The following LDLRAD4 variants were observed in gnomAD, a reference collection of about 807,000 sequenced individuals.
LDLRAD4 encodes the protein low-density lipoprotein receptor class A domain-containing protein 4.
In LDLRAD4, 5 loss-of-function variants were observed where a neutral mutation model predicts 17.0. The observed-to-expected ratio is 0.29, with a 90% confidence interval of 0.15 to 0.62. The LOEUF is 0.62. Ranked by LOEUF, LDLRAD4 falls within the 20% of genes least tolerant of loss-of-function variation. LDLRAD4 has a pLI of 0.84. For missense variants in LDLRAD4, 340 were observed against 424.7 expected, an observed-to-expected ratio of 0.80 and a Z score of 1.75; for synonymous variants, 168 against 171.8, an observed-to-expected ratio of 0.98 and a Z score of 0.17.
intron 1 of LDLRAD4, among the ~76,000 whole-genome samples, chr18:13,382,246 C>G (rs954946056): frequency 6.6e-6 from 1 of 152,210 alleles, no homozygotes; most frequent in Admixed American, 6.5e-5. Context: ...CTGTGTGACC[C>G]TCACATTTCC....
chr18:13,643,053 A>C (rs2042737987), intron 4 of LDLRAD4, among the ~76,000 whole-genome samples: 1 of 150,428 alleles, frequency 6.6e-6, no homozygotes, highest in Admixed American at 6.6e-5. Flanking sequence ...CTCCTGCCTC[A>C]CCCTCCCGAG....
At chr18:13,278,236 C>A (rs2045014522) in intron 1 of LDLRAD4, 48 bp downstream of exon 2, 1 of 152,334 alleles carries the variant, frequency 6.6e-6, no homozygotes, top group Non-Finnish European at 1.5e-5. Flanking sequence ...GTCTGGGAAG[C>A]AGAGCTTGTC....
rs141322393 is a variant in LDLRAD4, at chr18:13,349,629, A to G, written c.-382-37712A>G. On this transcript the variant is annotated intron_variant, in intron 1 of 5. Coordinates refer to ENST00000359446, the Ensembl canonical transcript of LDLRAD4. ...TTTGTCCCTCATTTTTATTTTTTTA[A>G]ATTTACTTTAAGTTCTGGGATACAA... Among the ~76,000 whole-genome samples the G allele has an allele frequency of 4.5e-4, 69 of 152,002 alleles. 2 individuals carry two copies. In the East Asian group the frequency reaches 0.012, roughly 26 times the overall value.
At chr18:13,411,217 A>G (rs1428520889) in intron 2 of LDLRAD4, among the ~76,000 whole-genome samples, 1 of 151,514 alleles carries the variant, frequency 6.6e-6, no homozygotes, top group Non-Finnish European at 1.5e-5. Context: ...GTGCCACTGC[A>G]CTTCAACCTG....
chr18:13,582,141 G>A (rs527468407), intron 3 of LDLRAD4, among the ~76,000 whole-genome samples: 12 of 152,284 alleles, frequency 7.9e-5, no homozygotes, highest in Admixed American at 2.0e-4. Context: ...CTACTAAAAT[G>A]GGCATAGTGA....
chr18:13,564,077 G>A (rs116038554), intron 3 of LDLRAD4, among the ~76,000 whole-genome samples: 2,309 of 152,066 alleles, frequency 0.015, 63 homozygotes, highest in African/African-American at 0.049. Context: ...GGATAATTGT[G>A]GTTTTTTTGT....
intron 3 of LDLRAD4, among the ~76,000 whole-genome samples, chr18:13,566,288 A>G (rs982295042): frequency 1.3e-5 from 2 of 151,962 alleles, no homozygotes; most frequent in African/African-American, 2.4e-5. Context: ...TCTGTCCTGG[A>G]GGAGAAGCCA....
chr18:13,271,893 CTTTTTTTTTTT>C (rs753254188), intron 1 of LDLRAD4, among the ~76,000 whole-genome samples: 3 of 79,030 alleles, frequency 3.8e-5, no homozygotes, highest in African/African-American at 5.3e-5. Context: ...CTGTTCAGTG[CTTTTTTTTTTT>C]TTTTTTTTTT....
chr18:13,535,938 C>T (rs182905328), intron 3 of LDLRAD4, among the ~76,000 whole-genome samples: 11 of 152,238 alleles, frequency 7.2e-5, no homozygotes, highest in Admixed American at 5.2e-4. Context: ...ACCCTAGTAC[C>T]TTCATTAAAC....
chr18:13,565,678 C>A (rs571675427), intron 3 of LDLRAD4, among the ~76,000 whole-genome samples: 1 of 152,184 alleles, frequency 6.6e-6, no homozygotes, highest in Non-Finnish European at 1.5e-5. Flanking sequence ...TGGCTCATGC[C>A]GTGAGCATAA....
At chr18:13,488,424 G>A (rs1395067838) in intron 3 of LDLRAD4, 4 of 106,390 alleles carry the variant, frequency 3.8e-5, no homozygotes, top group East Asian at 5.4e-4. Flanking sequence ...TTCCAGGTGC[G>A]TTTCTGAAAT....
At chr18:13,630,529 T>C (rs765211946) in intron 4 of LDLRAD4, among the ~76,000 whole-genome samples, 7 of 152,222 alleles carry the variant, frequency 4.6e-5, no homozygotes, top group Non-Finnish European at 8.8e-5. Context: ...GAAAAATAGA[T>C]TTCCAACTAT....
intron 1 of LDLRAD4, among the ~76,000 whole-genome samples, chr18:13,356,916 G>A (rs991230201): frequency 2.0e-5 from 3 of 152,128 alleles, no homozygotes; most frequent in African/African-American, 4.8e-5. Flanking sequence ...GAGGGATCAC[G>A]TGAGGTCAGG....
chr18:13,283,773 C>T (rs770116007), intron 1 of LDLRAD4, among the ~76,000 whole-genome samples: 2 of 152,164 alleles, frequency 1.3e-5, no homozygotes, highest in Non-Finnish European at 2.9e-5. Flanking sequence ...TACCAATTTA[C>T]TGTGTTAGAC....
At chr18:13,451,313 T>G (rs1568175206) in intron 3 of LDLRAD4, among the ~76,000 whole-genome samples, 1 of 152,136 alleles carries the variant, frequency 6.6e-6, no homozygotes, top group Non-Finnish European at 1.5e-5. Context: ...GGGGACGGAT[T>G]CCTTGTGGCT....
intron 3 of LDLRAD4, among the ~76,000 whole-genome samples, chr18:13,496,944 A>G (rs963214784): frequency 1.3e-5 from 2 of 152,252 alleles, no homozygotes; most frequent in South Asian, 2.1e-4. Context: ...TTCCCCATTA[A>G]TAACCTTTAA....
At chr18:13,344,075 T>C (rs1324857213) in intron 1 of LDLRAD4, among the ~76,000 whole-genome samples, 1 of 152,204 alleles carries the variant, frequency 6.6e-6, no homozygotes, top group Non-Finnish European at 1.5e-5. Context: ...GTGCAGAAGC[T>C]CTTTAGTTTA....
chr18:13,420,112 G>A (rs1038056420), intron 2 of LDLRAD4: 20 of 152,292 alleles, frequency 1.3e-4, no homozygotes, highest in East Asian at 3.9e-4. Context: ...AGCACAGAAT[G>A]TCTTCACATC....
chr18:13,360,395 C>T (rs1050114176), intron 1 of LDLRAD4, among the ~76,000 whole-genome samples: 3 of 152,240 alleles, frequency 2.0e-5, no homozygotes, highest in African/African-American at 7.2e-5. Flanking sequence ...TGTGGTATTA[C>T]AGCGCAGCCA....
Sources: gnomAD v4.1 joint callset for allele counts (sites outside exome capture counted in the v4.1 genomes callset) on GRCh38, gnomAD v4.1.1 for gene constraint, MANE v1.5 for transcripts, NCBI Gene and HGNC (gene_info 2026-07-23, HGNC 2026-07-21) for gene names.